Variants in ADAMTSL1 observed in about 807,000 individuals in gnomAD.
ADAMTSL1 encodes ADAMTS like 1, also known as ADAMTS-like protein 1.
In ADAMTSL1, 126 loss-of-function variants were observed where a neutral mutation model predicts 201.8. That is an observed-to-expected ratio of 0.62 (90% confidence interval 0.54 to 0.72). The LOEUF (loss-of-function observed/expected upper bound fraction) is 0.72. Among genes scored for constraint, ADAMTSL1 ranks in the 30% least tolerant of loss-of-function variants. ADAMTSL1 has a pLI of 0.00. For synonymous variants in ADAMTSL1, 1,121 were observed against 903.4 expected, an observed-to-expected ratio of 1.24 and a Z score of -4.32; for missense variants, 2,679 against 2,277.8, an observed-to-expected ratio of 1.18 and a Z score of -3.59.
chr9:18,014,537 A>G (rs1431288607), intron 1 of ADAMTSL1, among the ~76,000 whole-genome samples: 2 of 152,144 alleles, frequency 1.3e-5, no homozygotes, highest in Admixed American at 6.5e-5. Context: ...TATACACCTT[A>G]TGCATTCAAA....
At chr9:18,640,184 G>A (rs1383021020) in intron 7 of ADAMTSL1, among the ~76,000 whole-genome samples, 1 of 152,082 alleles carries the variant, frequency 6.6e-6, no homozygotes, top group African/African-American at 2.4e-5. Context: ...AGGCAGTAAG[G>A]TTAGAGGGAG....
intron 7 of ADAMTSL1, among the ~76,000 whole-genome samples, chr9:18,643,597 G>C (rs952470359): frequency 6.6e-6 from 1 of 151,994 alleles, no homozygotes; most frequent in Non-Finnish European, 1.5e-5. Context: ...TATAGTGTGA[G>C]ATACGGGTCT....
intron 14 of ADAMTSL1, among the ~76,000 whole-genome samples, chr9:18,714,758 A>G (rs1832815715): frequency 6.6e-6 from 1 of 152,128 alleles, no homozygotes; most frequent in Non-Finnish European, 1.5e-5. Flanking sequence ...TGAGGCCAGT[A>G]TCATACTGAT....
chr9:18,629,130 A>G (rs12338677), intron 5 of ADAMTSL1, among the ~76,000 whole-genome samples: 20,127 of 152,186 alleles, frequency 0.13, 1,460 homozygotes, highest in Admixed American at 0.2. Flanking sequence ...TGATACACTC[A>G]CTCAATACCT....
At chr9:18,560,269 T>A (rs371536393) in intron 3 of ADAMTSL1, among the ~76,000 whole-genome samples, 51 of 152,302 alleles carry the variant, frequency 3.3e-4, no homozygotes, top group African/African-American at 1.2e-3. Context: ...GAGACAATAA[T>A]GTGGTTTTGT....
At chr9:18,227,482 A>G (rs1282253985) in intron 2 of ADAMTSL1, among the ~76,000 whole-genome samples, 1 of 152,108 alleles carries the variant, frequency 6.6e-6, no homozygotes, top group Non-Finnish European at 1.5e-5. Flanking sequence ...CATTTTATTC[A>G]TTTACACTCA....
At chr9:18,598,105 T>C (rs1824383616) in intron 4 of ADAMTSL1, among the ~76,000 whole-genome samples, 2 of 152,170 alleles carry the variant, frequency 1.3e-5, no homozygotes, top group Non-Finnish European at 2.9e-5. Flanking sequence ...GTGTGGTTAA[T>C]AGAACAACAA....
At chr9:18,711,748 G>A (rs866330546) in intron 14 of ADAMTSL1, among the ~76,000 whole-genome samples, 71 of 152,286 alleles carry the variant, frequency 4.7e-4, no homozygotes, top group African/African-American at 1.7e-3. Flanking sequence ...GCCCACCACA[G>A]CTCAAGGAGG....
chr9:18,320,497 G>A (rs1180706445), intron 2 of ADAMTSL1, among the ~76,000 whole-genome samples: 1 of 152,178 alleles, frequency 6.6e-6, no homozygotes, highest in African/African-American at 2.4e-5. Flanking sequence ...CAGATCTACA[G>A]TGTAACAACT....
At chr9:18,808,293 G>A (rs930856319) in intron 20 of ADAMTSL1, among the ~76,000 whole-genome samples, 2 of 152,088 alleles carry the variant, frequency 1.3e-5, no homozygotes, top group Non-Finnish European at 2.9e-5. Context: ...ATATGCTAAC[G>A]TTTTTCTAAT....
At chr9:18,553,754 C>T (rs1011934468) in intron 3 of ADAMTSL1, among the ~76,000 whole-genome samples, 1 of 151,832 alleles carries the variant, frequency 6.6e-6, no homozygotes, top group Non-Finnish European at 1.5e-5. Context: ...TATCCATTGA[C>T]TTCTAACTAC....
At chr9:17,927,233 A>G (rs1476126038) in intron 1 of ADAMTSL1, among the ~76,000 whole-genome samples, 1 of 152,176 alleles carries the variant, frequency 6.6e-6, no homozygotes, top group East Asian at 1.9e-4. Context: ...AGCATATATC[A>G]GAATTTCCTT....
chr9:18,703,654 C>T (rs557454939), intron 13 of ADAMTSL1, among the ~76,000 whole-genome samples: 1 of 133,186 alleles, frequency 7.5e-6, no homozygotes, highest in South Asian at 2.5e-4. Flanking sequence ...TGCTATTAAC[C>T]CTAGATGTCT....
chr9:18,263,509 C>T (rs1180196917), intron 2 of ADAMTSL1, among the ~76,000 whole-genome samples: 2 of 152,200 alleles, frequency 1.3e-5, no homozygotes, highest in African/African-American at 4.8e-5. Context: ...ATCCCATCAA[C>T]GCAGTCAGTT....
intron 2 of ADAMTSL1, among the ~76,000 whole-genome samples, chr9:18,164,629 T>C (rs1046558472): frequency 6.6e-6 from 1 of 151,806 alleles, no homozygotes; most frequent in African/African-American, 2.4e-5. Context: ...TGGTTCTGTA[T>C]AGTGATGACC....
At chr9:18,318,951 G>A (rs1204593099) in intron 2 of ADAMTSL1, among the ~76,000 whole-genome samples, 1 of 152,190 alleles carries the variant, frequency 6.6e-6, no homozygotes, top group Admixed American at 6.5e-5. Context: ...GCTCATGCCT[G>A]TAATCCTAAC....
intron 2 of ADAMTSL1, among the ~76,000 whole-genome samples, chr9:18,358,413 A>G (rs1836352843): frequency 6.6e-6 from 1 of 152,202 alleles, no homozygotes; most frequent in South Asian, 2.1e-4. Flanking sequence ...TTTAAAGTAT[A>G]AAATTTAGTT....
At chr9:18,886,615 G>A (rs1316755205) in intron 23 of ADAMTSL1, among the ~76,000 whole-genome samples, 1 of 152,188 alleles carries the variant, frequency 6.6e-6, no homozygotes, top group Non-Finnish European at 1.5e-5. Flanking sequence ...CTTGCTGTCT[G>A]CTTCATAGAT....
At chr9:18,384,450 C>T (rs1254943102) in intron 2 of ADAMTSL1, among the ~76,000 whole-genome samples, 19 of 152,120 alleles carry the variant, frequency 1.2e-4, no homozygotes, top group Non-Finnish European at 1.0e-4. Flanking sequence ...CATATCAGTA[C>T]CTGATCATGT....
Sources: gnomAD v4.1 joint callset for allele counts (sites outside exome capture counted in the v4.1 genomes callset) on GRCh38, gnomAD v4.1.1 for gene constraint, MANE v1.5 for transcripts, NCBI Gene and HGNC (gene_info 2026-07-23, HGNC 2026-07-21) for gene names.